The following HECW2 variants were observed in gnomAD, a reference collection of about 807,000 sequenced individuals.
HECW2 encodes HECT, C2 and WW domain containing E3 ubiquitin protein ligase 2, also known as E3 ubiquitin-protein ligase HECW2.
In HECW2, 61 loss-of-function variants were observed where a neutral mutation model predicts 175.2. The observed-to-expected ratio is 0.35, with a 90% CI of 0.28 to 0.43. The LOEUF (loss-of-function observed/expected upper bound fraction) is 0.43. Among genes scored for constraint, HECW2 ranks in the 20% least tolerant of loss-of-function variants. The probability of loss-of-function intolerance (pLI) is 1.00; values close to 1 mark genes in which losing one functional copy is unlikely to be tolerated. For synonymous variants in HECW2, 671 were observed against 731.0 expected, an observed-to-expected ratio of 0.92 and a Z score of 1.32; for missense variants, 1,524 against 2,000.5, an observed-to-expected ratio of 0.76 and a Z score of 4.54.
chr2:196,398,271 A>G (rs1694726523), intron 2 of HECW2, among the ~76,000 whole-genome samples: 1 of 152,266 alleles, frequency 6.6e-6, no homozygotes, highest in Admixed American at 6.5e-5. Flanking sequence ...TTTTGAAGAC[A>G]GAACAATATG....
intron 17 of HECW2, 129 bp downstream of exon 17, chr2:196,271,064 T>C: frequency 1.6e-6 from 1 of 634,870 alleles, no homozygotes; most frequent in Non-Finnish European, 2.8e-6. Context: ...TGACAAAATA[T>C]TTGCATACAA....
At chr2:196,504,884 G>A (rs1687702244) in intron 1 of HECW2, among the ~76,000 whole-genome samples, 1 of 151,188 alleles carries the variant, frequency 6.6e-6, no homozygotes, top group Non-Finnish European at 1.5e-5. Flanking sequence ...ACATTTTCAG[G>A]CTGAAAAAAA....
intron 13 of HECW2, among the ~76,000 whole-genome samples, chr2:196,306,268 G>A (rs545855544): frequency 6.6e-6 from 1 of 152,262 alleles, no homozygotes; most frequent in East Asian, 1.9e-4. Context: ...GTTGCTTATA[G>A]GCCACCCAGC....
intron 13 of HECW2, among the ~76,000 whole-genome samples, chr2:196,303,333 A>C (rs1291444672): frequency 6.6e-6 from 1 of 152,186 alleles, no homozygotes; most frequent in Non-Finnish European, 1.5e-5. Context: ...GAATTTTTGC[A>C]TCAATGCTCA....
At chr2:196,438,929 G>A (rs1341515447) in intron 1 of HECW2, among the ~76,000 whole-genome samples, 2 of 152,148 alleles carry the variant, frequency 1.3e-5, no homozygotes, top group Non-Finnish European at 2.9e-5. Flanking sequence ...TGTGTCAGGG[G>A]AGGAGATGAA....
At chr2:196,225,751 A>C in intron 23 of HECW2, 21 bp downstream of exon 23, 1 of 1,416,384 alleles carries the variant, frequency 7.1e-7, no homozygotes, top group Non-Finnish European at 1.0e-6. Flanking sequence ...CTAATTATGC[A>C]GGCAATAAAA....
Position 196,457,906 on chromosome 2 carries a change from T to C in HECW2, c.-35-24448A>G, listed in dbSNP as rs1696577817. On this transcript the variant is annotated intron_variant, in intron 1 of 28. Transcript: ENST00000644978. ...CAAAGTATTTATCAATAAAGCATTA[T>C]GGTATTTGATCTAAACAAATAATCA... 3.3e-5 allele frequency among the ~76,000 whole-genome samples: 5 copies of C among 152,202 alleles called. No homozygotes were observed. The South Asian group carries it at 1.0e-3, about 31-fold the overall frequency.
chr2:196,511,411 C>T (rs1687949116), intron 1 of HECW2, among the ~76,000 whole-genome samples: 1 of 152,126 alleles, frequency 6.6e-6, no homozygotes, highest in Non-Finnish European at 1.5e-5. Context: ...TGCAGAGGTA[C>T]AAATTAATTC....
At chr2:196,573,968 C>G (rs946042333) in intron 1 of HECW2, among the ~76,000 whole-genome samples, 1 of 151,792 alleles carries the variant, frequency 6.6e-6, no homozygotes, top group African/African-American at 2.4e-5. Flanking sequence ...ATTGCCTGAA[C>G]CCAGGAGTTC....
chr2:196,319,306 A>T lies in HECW2; in HGVS notation c.1584T>A (p.Asp528Glu), dbSNP rs1691843364. ...ASTHEAASFE[D>E]KPENLPELAE... Reference sequence around the variant, plus strand: ...CAAGCTCTGGAAGATTTTCTGGCTTATCCTCAAAGGAAGCAGCTTCGTGTG... The same window carrying T: ...CAAGCTCTGGAAGATTTTCTGGCTTTTCCTCAAAGGAAGCAGCTTCGTGTG... The change falls in exon 9 of 29, where the codon GAT (aspartate) becomes GAA (glutamate). Residue 528 changes from aspartate (D) to glutamate (E), a missense_variant. By Grantham distance (45) the Asp-to-Glu change is conservative. This residue lies in a region of HECW2 where 604 missense variants were observed against 588.3 expected (regional missense o/e 1.03). Coordinates refer to ENST00000644978, the MANE Select transcript of HECW2 (RefSeq NM_001348768.2). The T allele has an allele frequency of 6.2e-7, 1 of 1,613,292 alleles. No individual in the cohort carries two copies. The highest frequency in any genetic ancestry group is 8.5e-7 in the Non-Finnish European group (1 of 1,179,762).
intron 2 of HECW2, among the ~76,000 whole-genome samples, chr2:196,371,766 C>A (rs1210433098): frequency 6.6e-6 from 1 of 152,196 alleles, no homozygotes; most frequent in African/African-American, 2.4e-5. Context: ...GAAGAACCGG[C>A]CTTCTTGGTT....
intron 6 of HECW2, among the ~76,000 whole-genome samples, chr2:196,323,908 G>GTTTTT (rs1227754141): frequency 4.7e-5 from 3 of 63,214 alleles, no homozygotes; most frequent in African/African-American, 1.5e-4. Flanking sequence ...AGTTTTTTTT[G>GTTTTT]TTTTTTGTTT....
rs766362692 is a variant in HECW2, at chr2:196,228,191, T to G, written c.3828A>C (p.Pro1276=). 5.6e-6 allele frequency: 9 copies of G among 1,613,680 alleles called. No homozygotes were observed. In the Admixed American group the frequency reaches 1.5e-4, roughly 27 times the overall value. ...CTGAATATTCAAATAAGCCATAATA[T>G]GGGTTAAAGAGTTCTCTGGATACCA... ...FFLVSRELFN[P]YYGLFEYSAN... Residue 1276 remains proline, a synonymous_variant, in exon 22 of 29, where the codon CCA becomes CCC. Coordinates refer to ENST00000644978, the MANE Select transcript of HECW2 (RefSeq NM_001348768.2).
At chr2:196,223,181 G>A (rs1274046370) in intron 23 of HECW2, among the ~76,000 whole-genome samples, 1 of 152,192 alleles carries the variant, frequency 6.6e-6, no homozygotes, top group African/African-American at 2.4e-5. Context: ...TAGTTGGGGA[G>A]CCAAGTACAC....
rs569995805 is a variant in HECW2, at chr2:196,522,260, T to C, written c.-36+71248A>G. ...GATGATGAGCATTTTTTCATGTGTT[T>C]TTTGGCTGCATAAATGTCTTCTTTT... On this transcript the variant is annotated intron_variant, in intron 1 of 28. Transcript: ENST00000644978. 2.0e-3 allele frequency among the ~76,000 whole-genome samples: 304 copies of C among 152,336 alleles called. 2 individuals carry two copies. The highest frequency in any genetic ancestry group is 6.7e-3 in the African/African-American group (279 of 41,540).
chr2:196,387,090 C>T (rs1272242709), intron 2 of HECW2, among the ~76,000 whole-genome samples: 1 of 152,136 alleles, frequency 6.6e-6, no homozygotes, highest in Non-Finnish European at 1.5e-5. Flanking sequence ...TTGGCACAAA[C>T]ACATAATTTA....
intron 1 of HECW2, among the ~76,000 whole-genome samples, chr2:196,523,062 C>A (rs2125438313): frequency 6.6e-6 from 1 of 151,684 alleles, no homozygotes; most frequent in South Asian, 2.1e-4. Flanking sequence ...TGTAAATTAC[C>A]TTGGGCAGTA....
At chr2:196,572,995 T>C (rs1690438589) in intron 1 of HECW2, among the ~76,000 whole-genome samples, 1 of 151,516 alleles carries the variant, frequency 6.6e-6, no homozygotes, top group Non-Finnish European at 1.5e-5. Flanking sequence ...TTAAAAGTCT[T>C]TTAAAATCTA....
At chr2:196,295,853 T>C (rs1040352536) in intron 13 of HECW2, among the ~76,000 whole-genome samples, 5 of 152,178 alleles carry the variant, frequency 3.3e-5, no homozygotes, top group African/African-American at 4.8e-5. Context: ...TTCATCTTCC[T>C]CCTCTCCACT....
Sources: gnomAD v4.1 joint callset for allele counts (sites outside exome capture counted in the v4.1 genomes callset) on GRCh38, gnomAD v4.1.1 for gene constraint, gnomAD v4.1.1 regional missense constraint, MANE v1.5 for transcripts, NCBI Gene and HGNC (gene_info 2026-07-23, HGNC 2026-07-21) for gene names.